Variants in AP3D1 observed in about 807,000 individuals in gnomAD.
The protein encoded by AP3D1 is adaptor related protein complex 3 subunit delta 1.
In AP3D1, 51 loss-of-function variants were observed where a neutral mutation model predicts 147.6. The ratio of observed to expected loss-of-function variants is 0.35; its 90% CI spans 0.28 to 0.44. The LOEUF (loss-of-function observed/expected upper bound fraction) is 0.44, where lower values mean the gene tolerates loss of function less well. AP3D1 is among the 20% of genes least tolerant of loss of function. AP3D1 has a pLI of 1.00. For synonymous variants in AP3D1, 760 were observed against 663.0 expected, an observed-to-expected ratio of 1.15 and a Z score of -2.25; for missense variants, 1,421 against 1,624.2, an observed-to-expected ratio of 0.87 and a Z score of 2.15.
Position 2,109,937 on chromosome 19 carries a change from C to T in AP3D1, c.3286G>A (p.Glu1096Lys), listed in dbSNP as rs770443079. The T allele has an allele frequency of 6.8e-6, 11 of 1,613,646 alleles. No individual in the cohort carries two copies. The African/African-American group carries it at 9.3e-5, about 14-fold the overall frequency. ...IAKNDEGATH[E>K]KLDFRLHFSC... ...AAGTGCAGCCTGAAGTCCAGCTTCT[C>T]GTGGGTCGCACCCTCGTCATTCTGC... The change falls in exon 29 of 32, where the codon GAG becomes AAG. Residue 1096 changes from glutamate (E) to lysine (K), a missense_variant. Transcript: ENST00000643116.
intron 11 of AP3D1, among the ~76,000 whole-genome samples, chr19:2,122,381 C>A (rs888509382): frequency 6.6e-6 from 1 of 152,226 alleles, no homozygotes; most frequent in Non-Finnish European, 1.5e-5. Context: ...CACAGCTGAA[C>A]CCATTCACAT....
Position 2,115,376 on chromosome 19 carries a change from C to T in AP3D1, c.2192G>A (p.Arg731Gln), listed in dbSNP as rs774910026. Residue 731 changes from arginine (R) to glutamine (Q), a missense_variant, in exon 20 of 32, where the codon CGG (arginine) becomes CAG (glutamine). Physicochemically the swap from Arg to Gln is conservative, Grantham distance 43. Coordinates refer to ENST00000643116, the MANE Select transcript of AP3D1 (RefSeq NM_001261826.3). The stretch of plus-strand genomic sequence containing the variant: ...CTTCTCCAGCTTCTGCCGGTGCCGC[C>T]GCTCCTCCTCCAGCTTCACATACTG... ...SDQYVKLEEE[R>Q]RHRQKLEKDK... 5.0e-6 allele frequency: 8 copies of T among 1,606,806 alleles called. No homozygotes were observed. The highest frequency in any genetic ancestry group is 3.3e-5 in the South Asian group (3 of 91,080).
upstream of AP3D1, among the ~76,000 whole-genome samples, chr19:2,153,434 G>A (rs1001757005): frequency 1.2e-4 from 19 of 152,090 alleles, no homozygotes; most frequent in East Asian, 5.8e-4. Context: ...CCAGCACTTC[G>A]GGAGGCCGAG....
chr19:2,139,002 C>T (rs1018363607), intron 1 of AP3D1, among the ~76,000 whole-genome samples: 1 of 140,050 alleles, frequency 7.1e-6, no homozygotes, highest in Non-Finnish European at 1.5e-5. Context: ...AGAGGTTGCA[C>T]TGAGCCAAGA....
chr19:2,115,482 G>A (rs1212256581), intron 19 of AP3D1, 56 bp downstream of exon 19: 2 of 1,608,976 alleles, frequency 1.2e-6, no homozygotes, highest in South Asian at 2.2e-5. Flanking sequence ...GAGGGCGGCG[G>A]GAGCACCCCA....
intron 15 of AP3D1, 33 bp downstream of exon 15, chr19:2,118,568 A>C: frequency 6.3e-7 from 1 of 1,580,680 alleles, no homozygotes; most frequent in Admixed American, 1.7e-5. Flanking sequence ...GGGCTCCCTG[A>C]GGCTCGGCCC....
At chr19:2,124,666 C>T (rs983073582) in intron 9 of AP3D1, among the ~76,000 whole-genome samples, 10 of 152,148 alleles carry the variant, frequency 6.6e-5, no homozygotes, top group Non-Finnish European at 1.5e-4. Flanking sequence ...CTAGGCCAGG[C>T]GCGGTGGCTC....
chr19:2,153,273 CTG>C (rs1255085709), upstream of AP3D1, among the ~76,000 whole-genome samples: 1 of 151,332 alleles, frequency 6.6e-6, no homozygotes, highest in African/African-American at 2.4e-5. Context: ...ACTTGGGAGA[CTG>C]AGGCAGGAGA....
chr19:2,161,223 A>G (rs949353578), intron 1 of AP3D1, among the ~76,000 whole-genome samples: 2 of 142,842 alleles, frequency 1.4e-5, no homozygotes, highest in African/African-American at 5.3e-5. Context: ...GTGCAGTGGC[A>G]CAATCTCTGC....
Position 2,114,753 on chromosome 19 carries a change from C to T in AP3D1, c.2418G>A (p.Leu806=). 1.2e-6 allele frequency: 2 copies of T among 1,613,262 alleles called. No individual in the cohort carries two copies. The highest frequency in any genetic ancestry group is 1.3e-5 in the African/African-American group (1 of 75,030). ...NDPYRALDID[L]DKPLADSEKL... The stretch of plus-strand genomic sequence containing the variant: ...CTGAACCCATATGGACTCACTTATC[C>T]AGGTCAATATCCAGAGCCCTGTAGG... Residue 806 remains leucine (L), a synonymous_variant, in exon 21 of 32, where the codon CTG becomes CTA. Transcript: ENST00000643116.
intron 17 of AP3D1, 113 bp from the exon 18 acceptor site, chr19:2,116,391 A>G: frequency 7.7e-7 from 1 of 1,299,438 alleles, no homozygotes; most frequent in Middle Eastern, 1.9e-4. Flanking sequence ...TATTTTCACT[A>G]CTGAGCTTTC....
intron 4 of AP3D1, chr19:2,133,333 C>G (rs12981497): frequency 0.32 from 47,997 of 152,112 alleles, 9,015 homozygotes; most frequent in Non-Finnish European, 0.43. Flanking sequence ...CACTAAAACA[C>G]GGAATCTGCC....
In AP3D1 at chr19:2,115,370, T is replaced by C. The variant is rs1417367485; in HGVS notation, c.2198A>G (p.His733Arg). Residue 733 changes from histidine (H) to arginine (R), a missense_variant, in exon 20 of 32, where the codon CAC (histidine) becomes CGC (arginine). His to Arg is a conservative substitution (Grantham distance 29). This residue lies in a region of AP3D1 where 791 missense variants were observed against 761.4 expected (regional missense o/e 1.04). Coordinates refer to ENST00000643116, the MANE Select transcript of AP3D1 (RefSeq NM_001261826.3). ...QYVKLEEERR[H>R]RQKLEKDKRR... is the part of the protein sequence containing the mutation. The stretch of plus-strand genomic sequence containing the variant: ...CTTGTCCTTCTCCAGCTTCTGCCGG[T>C]GCCGCCGCTCCTCCTCCAGCTTCAC... 8.7e-6 allele frequency: 14 copies of C among 1,606,826 alleles called. No homozygotes were observed. The highest frequency in any genetic ancestry group is 1.1e-5 in the Non-Finnish European group (13 of 1,179,880).
At chr19:2,118,466 C>T in intron 15 of AP3D1, 135 bp downstream of exon 15, 1 of 877,014 alleles carries the variant, frequency 1.1e-6, no homozygotes, top group Non-Finnish European at 1.7e-6. Context: ...CCCCAGCTGG[C>T]ACAAGTGGCA....
At chr19:2,156,245 G>A (rs948320662), upstream of AP3D1, among the ~76,000 whole-genome samples, 2 of 152,120 alleles carry the variant, frequency 1.3e-5, no homozygotes, top group African/African-American at 4.8e-5. Flanking sequence ...TCTGGCAGGA[G>A]ATGGGGACAT....
chr19:2,109,332 G>A (rs1355791040), intron 29 of AP3D1, 125 bp from the exon 30 acceptor site: 11 of 1,292,284 alleles, frequency 8.5e-6, no homozygotes, highest in Non-Finnish European at 1.2e-5. Context: ...TGGGCCGGGA[G>A]GTCTTGGGGG....
intron 1 of AP3D1, among the ~76,000 whole-genome samples, chr19:2,149,584 G>A (rs531269830): frequency 2.7e-5 from 4 of 150,702 alleles, no homozygotes; most frequent in East Asian, 3.9e-4. Flanking sequence ...AGACCCCCTT[G>A]AAGGGGCCCA....
At chr19:2,116,338 G>C in intron 17 of AP3D1, 60 bp from the exon 18 acceptor site, 1 of 1,535,778 alleles carries the variant, frequency 6.5e-7, no homozygotes, top group Non-Finnish European at 8.8e-7. Flanking sequence ...CTCTGTGGAC[G>C]TCCACCACCA....
chr19:2,104,988 A>T (rs949336974), intron 31 of AP3D1, among the ~76,000 whole-genome samples: 1 of 152,120 alleles, frequency 6.6e-6, no homozygotes, highest in African/African-American at 2.4e-5. Flanking sequence ...CTAAGCTTTA[A>T]AGTAGCTGTT....
Sources: gnomAD v4.1 joint callset for allele counts (sites outside exome capture counted in the v4.1 genomes callset) on GRCh38, gnomAD v4.1.1 for gene constraint, gnomAD v4.1.1 regional missense constraint, MANE v1.5 for transcripts, NCBI Gene and HGNC (gene_info 2026-07-23, HGNC 2026-07-21) for gene names.